PHLPP1: variants seen among roughly 807,000 people sequenced by gnomAD.
PHLPP1 encodes PH domain and leucine rich repeat protein phosphatase 1.
A neutral mutation model predicts 117.2 loss-of-function variants in PHLPP1; 42 were observed. The ratio of observed to expected loss-of-function variants is 0.36; its 90% confidence interval spans 0.28 to 0.46. The LOEUF (loss-of-function observed/expected upper bound fraction) is 0.46, where lower values mean the gene tolerates loss of function less well. Among genes scored for constraint, PHLPP1 ranks in the 20% least tolerant of loss-of-function variants. PHLPP1 has a pLI of 1.00. For synonymous variants in PHLPP1, 1,042 were observed against 970.7 expected, an observed-to-expected ratio of 1.07 and a Z score of -1.37; for missense variants, 2,084 against 2,241.9, an observed-to-expected ratio of 0.93 and a Z score of 1.42.
chr18:62,946,640 T>C (rs1258634438), intron 12 of PHLPP1, among the ~76,000 whole-genome samples: 1 of 145,306 alleles, frequency 6.9e-6, no homozygotes, highest in East Asian at 1.9e-4. Context: ...CCATTTTGTT[T>C]GTGTGTGTGT....
chr18:62,716,597 C>G lies in PHLPP1; in HGVS notation c.914C>G (p.Pro305Arg). 1 of 1,300,344 alleles carries G rather than the reference C, an allele frequency of 7.7e-7. No homozygotes were observed. Among genetic ancestry groups the G allele is most frequent in the South Asian group, 2.3e-5 (1 of 44,238 alleles). The allele number at this position is 1,300,344 out of a possible 1,614,324, so 80.6% of individuals were successfully genotyped here. The change falls in exon 1 of 17, where the codon CCC becomes CGC. Residue 305 changes from proline (P) to arginine (R), a missense_variant. By Grantham distance (103) the Pro-to-Arg change is moderately radical (BLOSUM62 -2). Coordinates refer to ENST00000262719, the MANE Select transcript of PHLPP1 (RefSeq NM_194449.4). This position sits in a 1 kb window ranked among gnomAD's most constrained non-coding sequence, Gnocchi z 5.7. ...PRAPPADLPL[P>R]VGGPGGWSRR... ...GCGCCCCCCGCCGACCTACCCCTGC[C>G]CGTCGGCGGCCCGGGCGGGTGGTCG...
At chr18:62,866,831 T>G (rs562865388) in intron 4 of PHLPP1, among the ~76,000 whole-genome samples, 12 of 152,272 alleles carry the variant, frequency 7.9e-5, no homozygotes, top group African/African-American at 2.6e-4. Context: ...TGATATCTTT[T>G]GAGCTCATCC....
At chr18:62,857,600 G>A (rs1009341779) in intron 3 of PHLPP1, among the ~76,000 whole-genome samples, 1 of 152,166 alleles carries the variant, frequency 6.6e-6, no homozygotes, top group East Asian at 1.9e-4. Flanking sequence ...TTAGGATCAT[G>A]AGTTTGAAGG....
chr18:62,850,914 C>T (rs987000702), intron 3 of PHLPP1, among the ~76,000 whole-genome samples: 2 of 152,118 alleles, frequency 1.3e-5, no homozygotes, highest in South Asian at 2.1e-4. Flanking sequence ...GGGACTGTGT[C>T]GGCACTGATG....
intron 3 of PHLPP1, among the ~76,000 whole-genome samples, chr18:62,850,194 C>T (rs1915306874): frequency 6.6e-6 from 1 of 151,452 alleles, no homozygotes; most frequent in African/African-American, 2.4e-5. Context: ...TTGAGACCAG[C>T]CTGGCCAACA....
At chr18:62,891,423 A>G (rs1481823648) in intron 4 of PHLPP1, among the ~76,000 whole-genome samples, 3 of 152,126 alleles carry the variant, frequency 2.0e-5, no homozygotes, top group Admixed American at 2.0e-4. Flanking sequence ...CCCTGTCTCT[A>G]CTAAAAATAC....
At chr18:62,807,889 G>A (rs1439743441) in intron 1 of PHLPP1, among the ~76,000 whole-genome samples, 1 of 151,994 alleles carries the variant, frequency 6.6e-6, no homozygotes, top group Non-Finnish European at 1.5e-5. Flanking sequence ...AGAATATGAA[G>A]GCCTAGGACA....
intron 2 of PHLPP1, among the ~76,000 whole-genome samples, chr18:62,833,649 G>A (rs1249270399): frequency 2.0e-5 from 3 of 152,118 alleles, no homozygotes; most frequent in Non-Finnish European, 2.9e-5. Context: ...ATAAATTGCT[G>A]TGGTCTTCTG....
chr18:62,929,154 A>G (rs867979220), intron 10 of PHLPP1, among the ~76,000 whole-genome samples: 3 of 152,164 alleles, frequency 2.0e-5, no homozygotes, highest in Admixed American at 1.3e-4. Context: ...TTACGTCCCT[A>G]TAAAGCTGTT....
chr18:62,905,204 G>GT lies in PHLPP1; in HGVS notation c.2648-9dup, dbSNP rs3217528. The GT allele has an allele frequency of 0.012, 15,568 of 1,259,392 alleles. No individual in the cohort carries two copies. Among genetic ancestry groups the GT allele is most frequent in the South Asian group, 0.025 (1,453 of 58,198 alleles). The allele number at this position is 1,259,392 out of a possible 1,614,324, so 78.0% of individuals were successfully genotyped here. On this transcript the variant is annotated intron_variant, in intron 7 of 16. Transcript: ENST00000262719. ...ATTTGTATAGTAATGTCTTTGTGGGGTTTTTTTTTTTCTTCCTAGAACTTG... is the reference window on the plus strand; with the variant it reads ...ATTTGTATAGTAATGTCTTTGTGGGGTTTTTTTTTTTTCTTCCTAGAACTTG...
chr18:62,779,142 C>T (rs1913050173), intron 1 of PHLPP1, among the ~76,000 whole-genome samples: 1 of 152,194 alleles, frequency 6.6e-6, no homozygotes, highest in African/African-American at 2.4e-5. Flanking sequence ...CCTACCCCTC[C>T]TCCCCTTGGT....
intron 1 of PHLPP1, among the ~76,000 whole-genome samples, chr18:62,761,222 A>G (rs1391208024): frequency 6.6e-6 from 1 of 152,208 alleles, no homozygotes; most frequent in African/African-American, 2.4e-5. Context: ...GAGATCGACA[A>G]ATCTTGTTAA....
At chr18:62,885,680 C>CA (rs1168584064) in intron 4 of PHLPP1, among the ~76,000 whole-genome samples, 5 of 151,934 alleles carry the variant, frequency 3.3e-5, no homozygotes, top group African/African-American at 7.2e-5. Flanking sequence ...CAAAACAAAA[C>CA]AAAAAAACTT....
intron 4 of PHLPP1, among the ~76,000 whole-genome samples, chr18:62,880,166 T>C (rs1916142687): frequency 6.6e-6 from 1 of 152,000 alleles, no homozygotes; most frequent in African/African-American, 2.4e-5. Context: ...AACCCTAGCA[T>C]CAGACTTTTA....
rs963213561 is a variant in PHLPP1, at chr18:62,806,058, C to A, written c.1577-23977C>A. On this transcript the variant is annotated intron_variant, in intron 1 of 16. Coordinates refer to ENST00000262719, the MANE Select transcript of PHLPP1 (RefSeq NM_194449.4). ...AATGCAAACAAAGTGCCCTCCCGGACTTCTGTTCATCTATTTGTAGGGAAA... is the reference window on the plus strand; with the variant it reads ...AATGCAAACAAAGTGCCCTCCCGGAATTCTGTTCATCTATTTGTAGGGAAA... Among the ~76,000 whole-genome samples the A allele has an allele frequency of 2.0e-5, 3 of 152,208 alleles. No homozygotes were observed. The East Asian group carries it at 5.8e-4, about 29-fold the overall frequency.
chr18:62,952,736 C>A (rs547954154), intron 12 of PHLPP1, among the ~76,000 whole-genome samples: 133 of 152,264 alleles, frequency 8.7e-4, no homozygotes, highest in Non-Finnish European at 1.5e-3. Context: ...ACAGGAAGCT[C>A]CCACCTCGGC....
chr18:62,879,679 A>AAAGCCCG (rs1916129962), intron 4 of PHLPP1, among the ~76,000 whole-genome samples: 1 of 152,164 alleles, frequency 6.6e-6, no homozygotes, highest in Non-Finnish European at 1.5e-5. Flanking sequence ...AAGTACTGGG[A>AAAGCCCG]TTACAGGCGT....
chr18:62,736,183 C>A (rs946012424), intron 1 of PHLPP1, among the ~76,000 whole-genome samples: 1 of 152,030 alleles, frequency 6.6e-6, no homozygotes, highest in Non-Finnish European at 1.5e-5. Flanking sequence ...GAGCCTTGGC[C>A]CCTTGAAATG....
chr18:62,798,574 C>T (rs1913689796), intron 1 of PHLPP1, among the ~76,000 whole-genome samples: 1 of 152,154 alleles, frequency 6.6e-6, no homozygotes, highest in East Asian at 1.9e-4. Flanking sequence ...TCTTCAGAAA[C>T]ATTTTAGAGT....
Sources: gnomAD v4.1 joint callset for allele counts (sites outside exome capture counted in the v4.1 genomes callset) on GRCh38, gnomAD v4.1.1 for gene constraint, Gnocchi (gnomAD v3.1) non-coding constraint, MANE v1.5 for transcripts, NCBI Gene and HGNC (gene_info 2026-07-23, HGNC 2026-07-21) for gene names.